SDK1: variants seen among roughly 807,000 people sequenced by gnomAD.
SDK1 encodes the protein sidekick cell adhesion molecule 1.
A neutral mutation model predicts 245.5 loss-of-function variants in SDK1; 157 were observed. The observed-to-expected ratio is 0.64, with a 90% confidence interval of 0.56 to 0.73. The LOEUF (loss-of-function observed/expected upper bound fraction) is 0.73, where lower values mean the gene tolerates loss of function less well. Among genes scored for constraint, SDK1 ranks in the 30% least tolerant of loss-of-function variants. SDK1 has a pLI of 0.00. For missense variants in SDK1, 3,583 were observed against 3,002.3 expected (o/e 1.19, Z -4.52); for synonymous variants, 1,647 against 1,278.5 (o/e 1.29, Z -6.15).
intron 1 of SDK1, among the ~76,000 whole-genome samples, chr7:3,332,784 A>G (rs143890267): frequency 1.3e-5 from 2 of 152,266 alleles, no homozygotes; most frequent in African/African-American, 4.8e-5. Context: ...TTTTCCCCCC[A>G]GGAATAGATA....
rs768869296 is a variant in SDK1, at chr7:3,821,548, A to G, written c.812A>G (p.Asn271Ser). The G allele has an allele frequency of 3.4e-5, 55 of 1,613,878 alleles. No homozygotes were observed. The East Asian group carries it at 1.2e-3, about 35-fold the overall frequency. ...GCCGTGAATGAGAAAAATGGAGAAA[A>G]CAAGACAAGCCCATTCATTCATTTG... ...VQAVNEKNGE[N>S]KTSPFIHLSI... The change falls in exon 5 of 45, where the codon AAC becomes AGC. Residue 271 changes from asparagine to serine, a missense_variant. Asn to Ser is a conservative substitution (Grantham distance 46). Transcript: ENST00000404826.
rs1788605690 is a variant in SDK1 at position 4,268,467 on chromosome 7, C to T, written c.*3083C>T. ...GCCTGCTTTTATAAGGCGCACTTCA[C>T]TCAATGCTGTAGCCAAAAAACGAGG... On this transcript the variant is annotated 3_prime_UTR_variant, in exon 45 of 45. Coordinates refer to ENST00000404826, the MANE Select transcript of SDK1 (RefSeq NM_152744.4). 1 of 1,164,912 alleles carries T rather than the reference C, an allele frequency of 8.6e-7. No homozygotes were observed. The highest frequency in any genetic ancestry group is 1.1e-6 in the Non-Finnish European group (1 of 927,182). The allele number at this position is 1,164,912 out of a possible 1,614,324, so 72.2% of individuals were successfully genotyped here.
intron 42 of SDK1, among the ~76,000 whole-genome samples, chr7:4,240,378 C>G (rs572216374): frequency 6.6e-6 from 1 of 152,164 alleles, no homozygotes; most frequent in African/African-American, 2.4e-5. Context: ...TTGTGATGGC[C>G]TCACTCGACA....
chr7:3,978,087 G>A (rs1783111060), intron 13 of SDK1, among the ~76,000 whole-genome samples: 1 of 151,810 alleles, frequency 6.6e-6, no homozygotes. Context: ...TCAGACAGAG[G>A]ATTTTTTTTT....
Position 3,682,469 on chromosome 7 carries a change from C to T in SDK1, c.713+40364C>T, listed in dbSNP as rs547169496. Among the ~76,000 whole-genome samples, 48 of 152,408 alleles carry T rather than the reference C, an allele frequency of 3.1e-4. No homozygotes were observed. In the South Asian group the frequency reaches 3.9e-3, roughly 12 times the overall value. On this transcript the variant is annotated intron_variant, in intron 4 of 44. Transcript: ENST00000404826. ...CTGGTATCTGGAACAAAGCTAATGG[C>T]AGCGTTCCCACGGAGGCGCTCGTAT...
intron 1 of SDK1, among the ~76,000 whole-genome samples, chr7:3,523,740 C>T (rs574920634): frequency 6.7e-4 from 102 of 152,140 alleles, no homozygotes; most frequent in Non-Finnish European, 1.1e-3. Context: ...CAGAATTAAT[C>T]GATTAATAAT....
intron 1 of SDK1, among the ~76,000 whole-genome samples, chr7:3,601,484 T>C (rs976581444): frequency 2.0e-5 from 3 of 152,114 alleles, no homozygotes; most frequent in Admixed American, 6.5e-5. Flanking sequence ...TTCTATCTTC[T>C]AAGCTGTTAA....
intron 4 of SDK1, among the ~76,000 whole-genome samples, chr7:3,693,751 T>C (rs1218271025): frequency 6.6e-6 from 1 of 152,232 alleles, no homozygotes; most frequent in Non-Finnish European, 1.5e-5. Context: ...TGGGAATCTA[T>C]TGTTATAGCC....
At chr7:3,759,918 G>C (rs551132140) in intron 4 of SDK1, among the ~76,000 whole-genome samples, 1 of 151,910 alleles carries the variant, frequency 6.6e-6, no homozygotes, top group African/African-American at 2.4e-5. Context: ...TAAGTTGTCC[G>C]CATTCTTTTG....
At chr7:3,450,717 A>G (rs912781754) in intron 1 of SDK1, among the ~76,000 whole-genome samples, 2 of 152,140 alleles carry the variant, frequency 1.3e-5, no homozygotes, top group African/African-American at 4.8e-5. Context: ...CTCATGTGAA[A>G]AGAGTTGGAG....
intron 1 of SDK1, among the ~76,000 whole-genome samples, chr7:3,422,081 A>G (rs879926115): frequency 6.6e-6 from 1 of 152,336 alleles, no homozygotes; most frequent in East Asian, 1.9e-4. Context: ...AATAACAACA[A>G]CAGCAAAAAT....
intron 1 of SDK1, among the ~76,000 whole-genome samples, chr7:3,306,630 A>C (rs940343740): frequency 6.6e-6 from 1 of 152,184 alleles, no homozygotes; most frequent in African/African-American, 2.4e-5. Flanking sequence ...ACTGAGATAA[A>C]ACAACGTGGA....
In SDK1 at chr7:3,530,581, G is replaced by C. The variant is rs548056164; in HGVS notation, c.299-88499G>C. On this transcript the variant is annotated intron_variant, in intron 1 of 44. Coordinates refer to ENST00000404826, the MANE Select transcript of SDK1 (RefSeq NM_152744.4). ...ATATTGATAGAATGAACAACAGAAG[G>C]AGTAAATAGCATTTCTGTTGTTTAT... Among the ~76,000 whole-genome samples the C allele has an allele frequency of 1.6e-3, 239 of 152,194 alleles. 1 individual carries two copies. The highest frequency in any genetic ancestry group is 5.4e-3 in the African/African-American group (226 of 41,528).
At chr7:3,624,938 G>C (rs999848742) in intron 2 of SDK1, among the ~76,000 whole-genome samples, 1 of 151,920 alleles carries the variant, frequency 6.6e-6, no homozygotes, top group African/African-American at 2.4e-5. Flanking sequence ...CCAGCTACTC[G>C]GGAGGCAGGA....
At chr7:3,371,055 G>C (rs1017295480) in intron 1 of SDK1, among the ~76,000 whole-genome samples, 1 of 152,080 alleles carries the variant, frequency 6.6e-6, no homozygotes, top group African/African-American at 2.4e-5. Flanking sequence ...GTGCATCCCC[G>C]TGTTTCGTGT....
At chr7:4,028,914 G>T (rs956902198) in intron 17 of SDK1, among the ~76,000 whole-genome samples, 1 of 152,144 alleles carries the variant, frequency 6.6e-6, no homozygotes, top group African/African-American at 2.4e-5. Flanking sequence ...ACTTGATGGG[G>T]ACAGGACTCC....
chr7:3,309,865 C>T (rs73286358), intron 1 of SDK1, among the ~76,000 whole-genome samples: 3,660 of 152,192 alleles, frequency 0.024, 153 homozygotes, highest in African/African-American at 0.084. Flanking sequence ...TTTTTCTAAG[C>T]GTGCTGTCTT....
At chr7:3,671,511 A>C (rs1783699545) in intron 4 of SDK1, among the ~76,000 whole-genome samples, 1 of 152,192 alleles carries the variant, frequency 6.6e-6, no homozygotes, top group South Asian at 2.1e-4. Context: ...CTCTGATGTT[A>C]TCCCTTCTTT....
intron 4 of SDK1, among the ~76,000 whole-genome samples, chr7:3,751,779 CA>C (rs1347646918): frequency 6.6e-6 from 1 of 152,208 alleles, no homozygotes; most frequent in Non-Finnish European, 1.5e-5. Context: ...TGGTGATTGA[CA>C]CCCTTGGGCT....
Sources: gnomAD v4.1 joint callset for allele counts (sites outside exome capture counted in the v4.1 genomes callset) on GRCh38, gnomAD v4.1.1 for gene constraint, MANE v1.5 for transcripts, NCBI Gene and HGNC (gene_info 2026-07-23, HGNC 2026-07-21) for gene names.